Variants in NID2 observed in about 807,000 individuals in gnomAD.
NID2 encodes the protein nidogen 2.
Under a neutral mutation model 145.4 loss-of-function variants are expected in NID2, and 83 were observed. The observed-to-expected ratio is 0.57, with a 90% CI of 0.48 to 0.69. The LOEUF (loss-of-function observed/expected upper bound fraction) is 0.69, where lower values mean the gene tolerates loss of function less well. Among genes scored for constraint, NID2 ranks in the 30% least tolerant of loss-of-function variants. The pLI is 0.00. For missense variants in NID2, 1,807 were observed against 1,765.7 expected (o/e 1.02, Z -0.42); for synonymous variants, 739 against 701.3 (o/e 1.05, Z -0.85).
chr14:52,018,981 G>T, intron 14 of NID2, 80 bp downstream of exon 14: 1 of 1,036,426 alleles, frequency 9.6e-7, no homozygotes, highest in Non-Finnish European at 1.5e-6. Flanking sequence ...CTGGCCCCGT[G>T]CCTGCGTGGT....
In NID2 at chr14:52,015,197, T is replaced by TC; in HGVS notation, c.3106dup (p.Asp1036GlyfsTer2). ...ATCGCACTGGGGCACGTACTGGTCA[T>TC]CCCGGGGGGTGCCACCGTAGTGCTC... On this transcript the variant is annotated frameshift_variant, in exon 15 of 22. Coordinates refer to ENST00000216286, the MANE Select transcript of NID2 (RefSeq NM_007361.4). LOFTEE classifies it high-confidence loss of function. The TC allele has an allele frequency of 6.2e-7, 1 of 1,614,002 alleles. No homozygotes were observed. The highest frequency in any genetic ancestry group is 1.1e-5 in the South Asian group (1 of 91,072).
chr14:52,038,619 C>T (rs1197412425), intron 9 of NID2, 128 bp downstream of exon 9: 1 of 650,086 alleles, frequency 1.5e-6, no homozygotes, highest in Non-Finnish European at 2.5e-6. Flanking sequence ...AGGATCTGCT[C>T]TATTCATCCT....
At chr14:52,061,052 C>A (rs1893008400) in intron 2 of NID2, among the ~76,000 whole-genome samples, 1 of 152,182 alleles carries the variant, frequency 6.6e-6, no homozygotes, top group African/African-American at 2.4e-5. Flanking sequence ...CCTAACCCCT[C>A]CTCAACATGG....
At chr14:52,049,257 TCA>T (rs1892609006) in intron 5 of NID2, among the ~76,000 whole-genome samples, 1 of 152,114 alleles carries the variant, frequency 6.6e-6, no homozygotes, top group Non-Finnish European at 1.5e-5. Flanking sequence ...TGGGGAGATA[TCA>T]GAGGAAAGAA....
Position 52,007,935 on chromosome 14 carries a change from G to T in NID2, c.3755C>A (p.Ala1252Asp). The T allele has an allele frequency of 6.2e-7, 1 of 1,613,436 alleles. No individual in the cohort carries two copies. The highest frequency in any genetic ancestry group is 8.5e-7 in the Non-Finnish European group (1 of 1,179,804). ...NLYWTDWNRE[A>D]PKIETSSLDG... ...TAAAGATGACGTTTCAATTTTAGGAGCTTCTCTATTCCAGTCTGTCCAGTA... is the reference window on the plus strand; with the variant it reads ...TAAAGATGACGTTTCAATTTTAGGATCTTCTCTATTCCAGTCTGTCCAGTA... The change falls in exon 19 of 22, where the codon GCT (alanine) becomes GAT (aspartate). Residue 1252 changes from alanine (A) to aspartate (D), a missense_variant. Ala to Asp is a moderately radical substitution (Grantham distance 126). Transcript: ENST00000216286.
intron 12 of NID2, among the ~76,000 whole-genome samples, chr14:52,023,671 C>T (rs888586130): frequency 6.6e-6 from 1 of 152,066 alleles, no homozygotes; most frequent in African/African-American, 2.4e-5. Context: ...GGCCAAGTCA[C>T]AACAATCCAA....
rs1039744332 is a variant in NID2 at position 52,004,852 on chromosome 14, A to G, written c.*634T>C. 38 of 187,044 alleles carry G rather than the reference A, an allele frequency of 2.0e-4. No homozygotes were observed. The highest frequency in any genetic ancestry group is 1.9e-3 in the Admixed American group (32 of 16,528). The allele number at this position is 187,044 out of a possible 1,614,324, so 11.6% of individuals were successfully genotyped here. Reference sequence around the variant, plus strand: ...TTGGAGTAATCTAGAAAATTTTAAAATTGTTACATCTTTGGTATTTATAAA... The same window carrying G: ...TTGGAGTAATCTAGAAAATTTTAAAGTTGTTACATCTTTGGTATTTATAAA... On this transcript the variant is annotated 3_prime_UTR_variant, in exon 22 of 22. Coordinates refer to ENST00000216286, the MANE Select transcript of NID2 (RefSeq NM_007361.4).
chr14:52,066,189 C>A (rs1893203837), intron 2 of NID2, among the ~76,000 whole-genome samples: 1 of 152,034 alleles, frequency 6.6e-6, no homozygotes, highest in African/African-American at 2.4e-5. Flanking sequence ...AGAAAAGGAC[C>A]AGACAAAAGT....
chr14:52,068,463 A>G (rs565401215), intron 1 of NID2, among the ~76,000 whole-genome samples: 3 of 152,348 alleles, frequency 2.0e-5, no homozygotes, highest in South Asian at 2.1e-4. Flanking sequence ...CCAGCTCCGC[A>G]GACGGGCACA....
intron 8 of NID2, among the ~76,000 whole-genome samples, chr14:52,040,250 G>GT (rs1265005155): frequency 7.7e-6 from 1 of 129,822 alleles, no homozygotes; most frequent in African/African-American, 3.1e-5. Flanking sequence ...CTCTTTCTGT[G>GT]ATTTTTTTTT....
At chr14:52,045,566 A>T (rs1299307236) in intron 5 of NID2, among the ~76,000 whole-genome samples, 1 of 152,022 alleles carries the variant, frequency 6.6e-6, no homozygotes, top group Non-Finnish European at 1.5e-5. Flanking sequence ...AAAAAAAAAA[A>T]AAAAACCCAG....
intron 9 of NID2, among the ~76,000 whole-genome samples, chr14:52,030,577 G>GAAAGAAAGAAA (rs1566755681): frequency 1.1e-4 from 10 of 92,952 alleles, no homozygotes; most frequent in African/African-American, 3.9e-4. Context: ...AGGAAGGAAG[G>GAAAGAAAGAAA]GAAAGAAAGA....
intron 12 of NID2, among the ~76,000 whole-genome samples, chr14:52,022,427 A>G (rs1891434739): frequency 6.6e-6 from 1 of 152,144 alleles, no homozygotes; most frequent in Non-Finnish European, 1.5e-5. Context: ...GATAGAGACT[A>G]GAGTCCCGGG....
At chr14:52,013,373 T>C (rs1891101507) in intron 16 of NID2, among the ~76,000 whole-genome samples, 1 of 152,184 alleles carries the variant, frequency 6.6e-6, no homozygotes, top group Non-Finnish European at 1.5e-5. Context: ...GAGAGTTTTC[T>C]TGGGGGAGGG....
At chr14:52,032,512 A>C (rs1254752595) in intron 9 of NID2, among the ~76,000 whole-genome samples, 1 of 152,182 alleles carries the variant, frequency 6.6e-6, no homozygotes, top group Non-Finnish European at 1.5e-5. Context: ...GTCAGTCCTC[A>C]ATAGGTTATA....
intron 2 of NID2, among the ~76,000 whole-genome samples, chr14:52,065,791 G>T (rs1335215004): frequency 7.7e-6 from 1 of 129,494 alleles, no homozygotes; most frequent in Non-Finnish European, 1.6e-5. Flanking sequence ...TACTGAGAAT[G>T]ATGGTTTCCA....
intron 12 of NID2, among the ~76,000 whole-genome samples, chr14:52,024,702 GT>G (rs1891524877): frequency 6.6e-6 from 1 of 152,128 alleles, no homozygotes; most frequent in South Asian, 2.1e-4. Flanking sequence ...CATATTTTTA[GT>G]TTGTAGGCTT....
intron 3 of NID2, 112 bp downstream of exon 3, chr14:52,060,012 A>T: frequency 1.4e-6 from 1 of 698,522 alleles, no homozygotes; most frequent in South Asian, 2.6e-5. Context: ...TTGATGCCTT[A>T]CTTAGAAGCC....
intron 5 of NID2, among the ~76,000 whole-genome samples, chr14:52,047,555 A>G (rs1323680854): frequency 6.6e-6 from 1 of 152,154 alleles, no homozygotes; most frequent in Non-Finnish European, 1.5e-5. Context: ...CTCCGACTAC[A>G]GTAAATCAGA....
Sources: allele counts gnomAD v4.1 joint callset (sites outside exome capture counted in the v4.1 genomes callset), GRCh38; gene constraint gnomAD v4.1.1; transcripts MANE v1.5; gene names NCBI Gene and HGNC (gene_info 2026-07-23, HGNC 2026-07-21).